CPED1: variants seen among roughly 807,000 people sequenced by gnomAD.
CPED1 encodes cadherin-like and PC-esterase domain-containing protein 1.
Under a neutral mutation model 128.2 loss-of-function variants are expected in CPED1, and 114 were observed. The ratio of observed to expected loss-of-function variants is 0.89; its 90% CI spans 0.76 to 1.04. The LOEUF (loss-of-function observed/expected upper bound fraction) is 1.04, where lower values mean the gene tolerates loss of function less well. CPED1 is among the 50% of genes least tolerant of loss of function. CPED1 has a pLI of 0.00. For missense variants in CPED1, 1,211 were observed against 1,207.1 expected, an observed-to-expected ratio of 1.00 and a Z score of -0.05; for synonymous variants, 462 against 426.7, an observed-to-expected ratio of 1.08 and a Z score of -1.02.
intron 3 of CPED1, among the ~76,000 whole-genome samples, chr7:121,044,248 A>G (rs1164176752): frequency 6.6e-6 from 1 of 152,180 alleles, no homozygotes; most frequent in Non-Finnish European, 1.5e-5. Flanking sequence ...AATGTTGGAA[A>G]TAGAAATGAA....
intron 22 of CPED1, among the ~76,000 whole-genome samples, chr7:121,276,978 TGAA>T (rs1444068830): frequency 2.6e-5 from 4 of 152,040 alleles, no homozygotes; most frequent in East Asian, 1.9e-4. Flanking sequence ...AAGGAAGATT[TGAA>T]GAAGAACAAG....
Position 121,127,163 on chromosome 7 carries a change from T to G in CPED1, c.1208T>G (p.Leu403Ter). 6.3e-7 allele frequency: 1 copy of G among 1,594,402 alleles called. No individual in the cohort carries two copies. The highest frequency in any genetic ancestry group is 2.2e-5 in the East Asian group (1 of 44,608). ...GACCAAAATACAGAAGAATTCCTTT[T>G]AAATGACACTTTCAATTTTCTCTTC... ...FEDQNTEEFLLNDTFNFLFPN... is the reference protein window; with the variant it reads ...FEDQNTEEFL The change falls in exon 10 of 23, where the codon TTA becomes TGA. Residue 403 changes from leucine to a stop codon, truncating the protein, a stop_gained. Transcript: ENST00000310396. LOFTEE classifies it high-confidence loss of function.
At chr7:121,224,610 C>T (rs1797957811) in intron 16 of CPED1, among the ~76,000 whole-genome samples, 1 of 151,976 alleles carries the variant, frequency 6.6e-6, no homozygotes, top group Admixed American at 6.6e-5. Flanking sequence ...CTTTGTAGGT[C>T]ACTAAGGACT....
chr7:121,155,882 C>T (rs945966408), intron 16 of CPED1, among the ~76,000 whole-genome samples: 28 of 152,146 alleles, frequency 1.8e-4, no homozygotes, highest in African/African-American at 6.7e-4. Flanking sequence ...AAAGCTTCTG[C>T]ACAACAAAGG....
chr7:121,060,333 G>A (rs1034834069), intron 4 of CPED1, among the ~76,000 whole-genome samples: 1 of 152,248 alleles, frequency 6.6e-6, no homozygotes, highest in African/African-American at 2.4e-5. Flanking sequence ...CGCACGGCGC[G>A]GGACTGGCAG....
In CPED1 at chr7:121,226,663, CA is replaced by C. The variant is rs550316955; in HGVS notation, c.2056-10048del. Reference sequence around the variant, plus strand: ...TATGCAATTATTTTTACAGATATTTCAAATGCCCTCCATAAAGGAGAAAAAT... The same window carrying C: ...TATGCAATTATTTTTACAGATATTTCAATGCCCTCCATAAAGGAGAAAAAT... On this transcript the variant is annotated intron_variant, in intron 16 of 22. Transcript: ENST00000310396. 2.6e-4 allele frequency among the ~76,000 whole-genome samples: 39 copies of C among 152,140 alleles called. No individual in the cohort carries two copies. In the South Asian group the frequency reaches 5.4e-3, roughly 21 times the overall value.
chr7:121,177,526 A>C (rs1796810579), intron 16 of CPED1, among the ~76,000 whole-genome samples: 1 of 152,088 alleles, frequency 6.6e-6, no homozygotes, highest in South Asian at 2.1e-4. Flanking sequence ...AAAAGGTTTA[A>C]GCCAAGCCAA....
At chr7:121,256,899 G>A (rs1005372431) in intron 18 of CPED1, among the ~76,000 whole-genome samples, 1 of 151,934 alleles carries the variant, frequency 6.6e-6, no homozygotes, top group Non-Finnish European at 1.5e-5. Flanking sequence ...CATAAAAAGA[G>A]CAAAATCGCA....
chr7:121,266,562 C>T (rs571392001), intron 19 of CPED1, 115 bp downstream of exon 19: 1 of 1,176,542 alleles, frequency 8.5e-7, no homozygotes, highest in Non-Finnish European at 1.3e-6. Context: ...GGTTAGATAC[C>T]AAGTAAGGCA....
At chr7:121,238,372 G>A (rs1798309384) in intron 17 of CPED1, among the ~76,000 whole-genome samples, 1 of 152,006 alleles carries the variant, frequency 6.6e-6, no homozygotes, top group Non-Finnish European at 1.5e-5. Context: ...TTTATGTTGA[G>A]AGTGCCCCTT....
intron 16 of CPED1, among the ~76,000 whole-genome samples, chr7:121,206,535 T>A (rs1291763705): frequency 6.6e-6 from 1 of 152,028 alleles, no homozygotes; most frequent in Non-Finnish European, 1.5e-5. Context: ...ATGTATGTAA[T>A]AAATCACTGC....
chr7:121,219,426 AAAAG>A (rs1458011469), intron 16 of CPED1, among the ~76,000 whole-genome samples: 1 of 152,062 alleles, frequency 6.6e-6, no homozygotes, highest in Non-Finnish European at 1.5e-5. Context: ...TTTAGGTTGA[AAAAG>A]AAAAAAACTT....
intron 2 of CPED1, among the ~76,000 whole-genome samples, chr7:121,006,859 G>T (rs1017475588): frequency 2.0e-5 from 3 of 152,046 alleles, no homozygotes; most frequent in Non-Finnish European, 4.4e-5. Flanking sequence ...TGAAGAGGAG[G>T]CTGAAAAAGA....
At chr7:121,099,842 G>A in intron 6 of CPED1, 84 bp from the exon 7 acceptor site, 2 of 1,430,330 alleles carry the variant, frequency 1.4e-6, no homozygotes, top group Non-Finnish European at 1.9e-6. Context: ...GATAGAAGCA[G>A]TTTACAAAGC....
chr7:121,107,390 G>T (rs1047158787), intron 7 of CPED1, among the ~76,000 whole-genome samples: 1 of 152,018 alleles, frequency 6.6e-6, no homozygotes, highest in East Asian at 1.9e-4. Flanking sequence ...AAATCTACTT[G>T]CCTAAATCTT....
chr7:121,270,184 A>C (rs950899622), intron 21 of CPED1, among the ~76,000 whole-genome samples: 2 of 152,174 alleles, frequency 1.3e-5, no homozygotes, highest in Admixed American at 1.3e-4. Context: ...GGAGGGGACA[A>C]ATATTCAAAT....
intron 22 of CPED1, among the ~76,000 whole-genome samples, chr7:121,286,814 T>C (rs1792588542): frequency 6.6e-6 from 1 of 152,120 alleles, no homozygotes; most frequent in East Asian, 1.9e-4. Flanking sequence ...TTAGTCCATT[T>C]TCATACTGCT....
chr7:121,252,746 A>G (rs150816246), intron 18 of CPED1, among the ~76,000 whole-genome samples: 207 of 152,288 alleles, frequency 1.4e-3, no homozygotes, highest in African/African-American at 4.4e-3. Context: ...GAGAAATGCA[A>G]ATCAAAACCA....
At chr7:121,192,960 A>G (rs1004747873) in intron 16 of CPED1, among the ~76,000 whole-genome samples, 1 of 152,190 alleles carries the variant, frequency 6.6e-6, no homozygotes, top group Non-Finnish European at 1.5e-5. Flanking sequence ...TTGATCAAGT[A>G]AAATCATTCT....
Sources: allele counts gnomAD v4.1 joint callset (sites outside exome capture counted in the v4.1 genomes callset), GRCh38; gene constraint gnomAD v4.1.1; transcripts MANE v1.5; gene names NCBI Gene and HGNC (gene_info 2026-07-23, HGNC 2026-07-21).